The following PDZRN3 variants were observed in gnomAD, a reference collection of about 807,000 sequenced individuals.
PDZRN3 encodes the protein PDZ domain containing ring finger 3, also known as E3 ubiquitin-protein ligase PDZRN3.
PDZRN3 carries 38 observed loss-of-function variants against 85.7 expected under a neutral mutation model. The ratio of observed to expected loss-of-function variants is 0.44; its 90% CI spans 0.34 to 0.58. The LOEUF (loss-of-function observed/expected upper bound fraction) is 0.58. PDZRN3 is among the 20% of genes least tolerant of loss of function. PDZRN3 has a pLI of 0.01. For synonymous variants in PDZRN3, 759 were observed against 638.0 expected (o/e 1.19, Z -2.86); for missense variants, 1,629 against 1,506.4 (o/e 1.08, Z -1.35).
intron 3 of PDZRN3, among the ~76,000 whole-genome samples, chr3:73,562,622 G>T (rs527587450): frequency 6.6e-6 from 1 of 151,860 alleles, no homozygotes; most frequent in African/African-American, 2.4e-5. Flanking sequence ...CTACATTTCC[G>T]GGACTTCAGG....
At chr3:73,602,065 C>T (rs890009523) in intron 3 of PDZRN3, among the ~76,000 whole-genome samples, 14 of 152,184 alleles carry the variant, frequency 9.2e-5, no homozygotes, top group African/African-American at 2.9e-4. Flanking sequence ...AACTCTTCAA[C>T]GGTTTTCGCG....
intron 3 of PDZRN3, among the ~76,000 whole-genome samples, chr3:73,499,604 G>A (rs1438866756): frequency 6.6e-6 from 1 of 152,194 alleles, no homozygotes; most frequent in Admixed American, 6.5e-5. Context: ...AACTATTCTA[G>A]TCAATCGCTA....
At chr3:73,552,909 T>C (rs1404523720) in intron 3 of PDZRN3, among the ~76,000 whole-genome samples, 2 of 152,218 alleles carry the variant, frequency 1.3e-5, no homozygotes, top group Admixed American at 6.5e-5. Flanking sequence ...TTCAGCCTAC[T>C]TGAGACTCAC....
intron 5 of PDZRN3, among the ~76,000 whole-genome samples, chr3:73,394,758 G>T (rs1701601718): frequency 6.6e-6 from 1 of 152,168 alleles, no homozygotes; most frequent in African/African-American, 2.4e-5. Context: ...CTTAGCCTTG[G>T]TCATTTAATT....
chr3:73,521,689 A>C (rs968524930), intron 3 of PDZRN3, among the ~76,000 whole-genome samples: 5 of 152,064 alleles, frequency 3.3e-5, no homozygotes, highest in African/African-American at 1.2e-4. Flanking sequence ...TATTCTTCTT[A>C]TTATTATTAT....
chr3:73,396,300 T>C (rs959248130), intron 5 of PDZRN3, among the ~76,000 whole-genome samples: 1 of 152,030 alleles, frequency 6.6e-6, no homozygotes, highest in Non-Finnish European at 1.5e-5. Context: ...TCTGGAGAGA[T>C]GACATTTGGG....
chr3:73,512,319 G>A (rs910534922), intron 3 of PDZRN3, among the ~76,000 whole-genome samples: 1 of 152,314 alleles, frequency 6.6e-6, no homozygotes, highest in South Asian at 2.1e-4. Flanking sequence ...CAAAACAGAT[G>A]ATTCTAAATT....
intron 1 of PDZRN3, among the ~76,000 whole-genome samples, chr3:73,611,052 T>C (rs1220994389): frequency 1.3e-5 from 2 of 152,210 alleles, no homozygotes; most frequent in Non-Finnish European, 2.9e-5. Context: ...AATGTTGAGC[T>C]GGGATTCAGA....
chr3:73,420,697 C>A (rs891734018), intron 3 of PDZRN3, among the ~76,000 whole-genome samples: 3 of 152,120 alleles, frequency 2.0e-5, no homozygotes, highest in African/African-American at 7.2e-5. Context: ...CCTCTTTGAC[C>A]CAATTTTGGA....
At chr3:73,395,344 A>G (rs1340414518) in intron 5 of PDZRN3, among the ~76,000 whole-genome samples, 1 of 152,262 alleles carries the variant, frequency 6.6e-6, no homozygotes, top group Non-Finnish European at 1.5e-5. Context: ...AAAGAAGACT[A>G]TTAATCAAAC....
At chr3:73,424,403 T>C (rs1322832676) in intron 3 of PDZRN3, among the ~76,000 whole-genome samples, 1 of 143,388 alleles carries the variant, frequency 7.0e-6, no homozygotes, top group East Asian at 2.0e-4. Context: ...TAGCTGAGTG[T>C]AGTGGCAGGT....
chr3:73,542,480 G>A (rs1459117625), intron 3 of PDZRN3, among the ~76,000 whole-genome samples: 2 of 152,172 alleles, frequency 1.3e-5, no homozygotes, highest in Non-Finnish European at 2.9e-5. Context: ...GGCATTTTAA[G>A]ACTCTCTTGC....
chr3:73,542,137 C>T (rs1351871589), intron 3 of PDZRN3, among the ~76,000 whole-genome samples: 8 of 151,944 alleles, frequency 5.3e-5, no homozygotes, highest in African/African-American at 1.7e-4. Flanking sequence ...CTATAAACAA[C>T]CTAAGGAAAA....
intron 3 of PDZRN3, among the ~76,000 whole-genome samples, chr3:73,561,885 C>T (rs1358304231): frequency 6.6e-6 from 1 of 150,660 alleles, no homozygotes; most frequent in Non-Finnish European, 1.5e-5. Flanking sequence ...GAACTTGGTA[C>T]AATTAACATC....
chr3:73,427,286 G>A (rs1027189753), intron 3 of PDZRN3, among the ~76,000 whole-genome samples: 3 of 152,228 alleles, frequency 2.0e-5, no homozygotes, highest in Non-Finnish European at 2.9e-5. Flanking sequence ...ATAAATGACA[G>A]TGGCACTGCC....
chr3:73,568,528 G>A (rs1701988110), intron 3 of PDZRN3, among the ~76,000 whole-genome samples: 1 of 152,146 alleles, frequency 6.6e-6, no homozygotes, highest in Admixed American at 6.5e-5. Flanking sequence ...CTACAAAACT[G>A]TGGTAAATGC....
intron 3 of PDZRN3, chr3:73,474,385 T>A: frequency 1.1e-6 from 1 of 899,400 alleles, no homozygotes; most frequent in Non-Finnish European, 1.5e-6. Context: ...CGGTGGTGTA[T>A]AATGAGCAAA....
intron 9 of PDZRN3, among the ~76,000 whole-genome samples, chr3:73,385,211 G>C (rs1026572269): frequency 1.3e-5 from 2 of 151,742 alleles, no homozygotes; most frequent in Non-Finnish European, 2.9e-5. Context: ...TCTGTTAAAT[G>C]AATCAGTACA....
At chr3:73,496,613 A>T (rs1404713097) in intron 3 of PDZRN3, among the ~76,000 whole-genome samples, 2 of 152,174 alleles carry the variant, frequency 1.3e-5, no homozygotes, top group African/African-American at 4.8e-5. Flanking sequence ...ATATCACATA[A>T]CACAATTAGC....
Sources: gnomAD v4.1 joint callset for allele counts (sites outside exome capture counted in the v4.1 genomes callset) on GRCh38, gnomAD v4.1.1 for gene constraint, MANE v1.5 for transcripts, NCBI Gene and HGNC (gene_info 2026-07-23, HGNC 2026-07-21) for gene names.